MCPH1: variants seen among roughly 807,000 people sequenced by gnomAD.
MCPH1 encodes the protein microcephalin 1.
MCPH1 carries 104 observed loss-of-function variants against 84.5 expected under a neutral mutation model. The observed-to-expected ratio is 1.23, with a 90% CI of 1.05 to 1.45. The LOEUF (loss-of-function observed/expected upper bound fraction) is 1.45. MCPH1 is among the 40% of genes most tolerant of loss of function. MCPH1 has a pLI of 0.00. For synonymous variants in MCPH1, 514 were observed against 366.8 expected (o/e 1.40, Z -4.58); for missense variants, 1,498 against 1,005.7 (o/e 1.49, Z -6.62).
At chr8:6,538,382 C>A (rs1175637115) in intron 12 of MCPH1, among the ~76,000 whole-genome samples, 11 of 152,236 alleles carry the variant, frequency 7.2e-5, no homozygotes, top group African/African-American at 2.4e-4. Flanking sequence ...GCTCTCCTTT[C>A]ATCCCGCTGT....
chr8:6,472,745 G>A (rs376817315), intron 9 of MCPH1, among the ~76,000 whole-genome samples: 2 of 152,160 alleles, frequency 1.3e-5, no homozygotes, highest in African/African-American at 4.8e-5. Flanking sequence ...TGGAATTACA[G>A]GGATAAGCCA....
At chr8:6,557,834 T>C (rs1824890824) in intron 12 of MCPH1, among the ~76,000 whole-genome samples, 1 of 152,182 alleles carries the variant, frequency 6.6e-6, no homozygotes. Flanking sequence ...TCATGATTCA[T>C]TGTATGCATC....
chr8:6,427,037 G>T lies in MCPH1; in HGVS notation c.234-4462G>T, dbSNP rs143847570. 3.3e-3 allele frequency among the ~76,000 whole-genome samples: 501 copies of T among 152,324 alleles called. 6 individuals carry two copies. Among genetic ancestry groups the T allele is most frequent in the African/African-American group, 0.012 (489 of 41,564 alleles). On this transcript the variant is annotated intron_variant, in intron 3 of 13. Coordinates refer to ENST00000344683, the MANE Select transcript of MCPH1 (RefSeq NM_024596.5). ...GCATGACATAGCTACTGCACACCTA[G>T]GCTCTGTGGCACAACCTGTTGCTCC...
At chr8:6,594,234 C>T (rs1481612781) in intron 12 of MCPH1, among the ~76,000 whole-genome samples, 2 of 152,206 alleles carry the variant, frequency 1.3e-5, no homozygotes, top group African/African-American at 2.4e-5. Flanking sequence ...TGGTCCTGGA[C>T]AGCGTTTCTA....
At chr8:6,470,706 G>A (rs1013641129) in intron 9 of MCPH1, among the ~76,000 whole-genome samples, 5 of 152,358 alleles carry the variant, frequency 3.3e-5, no homozygotes, top group South Asian at 4.1e-4. Context: ...AAACTTCTGG[G>A]CCTCCAAACG....
intron 12 of MCPH1, chr8:6,500,973 A>G (rs1176925123): frequency 2.0e-5 from 3 of 152,232 alleles, no homozygotes; most frequent in Non-Finnish European, 2.9e-5. Context: ...TCATTGAGAT[A>G]TCCTAGAAAC....
At chr8:6,617,918 T>TCTATCTATCTATCTATCTA (rs1831005255) in intron 12 of MCPH1, among the ~76,000 whole-genome samples, 1 of 151,292 alleles carries the variant, frequency 6.6e-6, no homozygotes, top group Admixed American at 6.6e-5. Flanking sequence ...TATCTATCTA[T>TCTATCTATCTATCTATCTA]CTATCTATCT....
At chr8:6,472,522 T>C (rs1340749982) in intron 9 of MCPH1, among the ~76,000 whole-genome samples, 1 of 152,036 alleles carries the variant, frequency 6.6e-6, no homozygotes, top group Non-Finnish European at 1.5e-5. Flanking sequence ...CTGGAGTGCA[T>C]TGGCCCGATC....
rs116951190 is a variant in MCPH1 at position 6,510,098 on chromosome 8, G to C, written c.2214+10169G>C. On this transcript the variant is annotated intron_variant, in intron 12 of 13. Coordinates refer to ENST00000344683, the MANE Select transcript of MCPH1 (RefSeq NM_024596.5). ...AAAATACGGCTTACATCGGTCATCTGTGTACCAGCAAGGAGCATATAAGGG... is the reference window on the plus strand; with the variant it reads ...AAAATACGGCTTACATCGGTCATCTCTGTACCAGCAAGGAGCATATAAGGG... Among the ~76,000 whole-genome samples, 98 of 152,170 alleles carry C rather than the reference G, an allele frequency of 6.4e-4. 3 individuals carry two copies. The East Asian group carries it at 0.018, about 28-fold the overall frequency.
chr8:6,523,065 T>C (rs1052722744), intron 12 of MCPH1, among the ~76,000 whole-genome samples: 1 of 152,046 alleles, frequency 6.6e-6, no homozygotes, highest in Non-Finnish European at 1.5e-5. Context: ...GGGTGCCATC[T>C]TGGCTCACTG....
chr8:6,409,249 G>A (rs768913922), intron 1 of MCPH1, 30 bp from the exon 2 acceptor site: 5 of 1,552,918 alleles, frequency 3.2e-6, no homozygotes, highest in African/African-American at 1.4e-5. Context: ...AATTTCAAAT[G>A]TATGTTTCAT....
chr8:6,599,669 G>T (rs1232958409), intron 12 of MCPH1, among the ~76,000 whole-genome samples: 3 of 152,174 alleles, frequency 2.0e-5, no homozygotes, highest in Non-Finnish European at 4.4e-5. Flanking sequence ...TGAGTCATCT[G>T]TTGTTGGAAA....
At chr8:6,625,001 C>T (rs1831916305) in intron 13 of MCPH1, 12 of 533,436 alleles carry the variant, frequency 2.2e-5, no homozygotes, top group Non-Finnish European at 2.9e-5. Context: ...TCAGCCTTCC[C>T]AGTAGCTGGA....
intron 9 of MCPH1, among the ~76,000 whole-genome samples, chr8:6,461,350 G>C (rs1806268836): frequency 7.5e-6 from 1 of 132,696 alleles, no homozygotes; most frequent in African/African-American, 2.8e-5. Flanking sequence ...TTTTGAGATG[G>C]AGTCTCGCTC....
At chr8:6,626,763 G>C (rs1459133706) in intron 13 of MCPH1, 2 of 985,170 alleles carry the variant, frequency 2.0e-6, no homozygotes, top group African/African-American at 1.7e-5. Flanking sequence ...GTGGAGCTCT[G>C]AGCCCTGGCG....
chr8:6,564,130 C>T (rs990297443), intron 12 of MCPH1, among the ~76,000 whole-genome samples: 5 of 152,020 alleles, frequency 3.3e-5, no homozygotes, highest in African/African-American at 4.8e-5. Context: ...TACAGGCAAA[C>T]GCCACCACAC....
intron 13 of MCPH1, among the ~76,000 whole-genome samples, chr8:6,640,810 A>G (rs1391792665): frequency 1.3e-5 from 2 of 152,212 alleles, no homozygotes; most frequent in Non-Finnish European, 2.9e-5. Context: ...TTTAAAAAAT[A>G]TTTAGACCTT....
At chr8:6,538,234 C>T (rs987821999) in intron 12 of MCPH1, among the ~76,000 whole-genome samples, 2 of 152,070 alleles carry the variant, frequency 1.3e-5, no homozygotes, top group African/African-American at 4.8e-5. Context: ...TACTGTTGCC[C>T]ACTTCTATTT....
At chr8:6,522,836 C>T (rs1048486122) in intron 12 of MCPH1, among the ~76,000 whole-genome samples, 1 of 151,948 alleles carries the variant, frequency 6.6e-6, no homozygotes, top group Non-Finnish European at 1.5e-5. Flanking sequence ...AAGTCACACA[C>T]AGCAGGTGGC....
Sources: allele counts gnomAD v4.1 joint callset (sites outside exome capture counted in the v4.1 genomes callset), GRCh38; gene constraint gnomAD v4.1.1; transcripts MANE v1.5; gene names NCBI Gene and HGNC (gene_info 2026-07-23, HGNC 2026-07-21).